Variants in EYS observed in about 807,000 individuals in gnomAD.
The protein encoded by EYS is EGF-like photoreceptor maintenance factor, also known as protein eyes shut homolog.
Under a neutral mutation model 282.1 loss-of-function variants are expected in EYS, and 250 were observed. That is an observed-to-expected ratio of 0.89 (90% CI 0.80 to 0.98). EYS has a LOEUF of 0.98. EYS is among the 50% of genes least tolerant of loss of function. EYS has a pLI of 0.00. For synonymous variants in EYS, 1,355 were observed against 1,282.9 expected (o/e 1.06, Z -1.20); for missense variants, 4,016 against 3,709.0 (o/e 1.08, Z -2.15).
chr6:65,313,172 T>C lies in EYS; in HGVS notation c.1767-17053A>G, dbSNP rs144163416. Among the ~76,000 whole-genome samples the C allele has an allele frequency of 3.3e-4, 50 of 152,216 alleles. 1 individual carries two copies. The highest frequency in any genetic ancestry group is 1.2e-3 in the African/African-American group (50 of 41,520). On this transcript the variant is annotated intron_variant, in intron 11 of 42. Transcript: ENST00000503581. ...CCCATAGGTAGGGCTGGTGAGATAT[T>C]ATGTTGGAGTCACCCGGGGCCTATT...
chr6:64,535,208 C>T (rs1477126073), intron 26 of EYS, among the ~76,000 whole-genome samples: 13 of 152,100 alleles, frequency 8.5e-5, no homozygotes, highest in Admixed American at 8.5e-4. Context: ...CGATATTGAA[C>T]AAAAATTCTT....
At chr6:65,532,988 T>A (rs1328747685) in intron 2 of EYS, among the ~76,000 whole-genome samples, 1 of 152,062 alleles carries the variant, frequency 6.6e-6, no homozygotes, top group African/African-American at 2.4e-5. Flanking sequence ...TTTGCAATTG[T>A]CGATTTTATA....
At chr6:63,954,354 A>G (rs568106157) in intron 35 of EYS, among the ~76,000 whole-genome samples, 62 of 152,248 alleles carry the variant, frequency 4.1e-4, no homozygotes, top group African/African-American at 1.5e-3. Flanking sequence ...CCTCTCAGCA[A>G]GCTGAACTCA....
At chr6:64,339,156 G>A (rs995735979) in intron 29 of EYS, among the ~76,000 whole-genome samples, 1 of 151,806 alleles carries the variant, frequency 6.6e-6, no homozygotes, top group Admixed American at 6.6e-5. Context: ...AAACTAAAGA[G>A]CTTTTGCAAG....
At chr6:65,676,899 A>G (rs747859775) in intron 1 of EYS, among the ~76,000 whole-genome samples, 1 of 151,818 alleles carries the variant, frequency 6.6e-6, no homozygotes, top group South Asian at 2.1e-4. Flanking sequence ...ACTGTTCAAC[A>G]TAGGAAAATC....
chr6:65,624,725 G>A (rs954289590), intron 2 of EYS, among the ~76,000 whole-genome samples: 1 of 152,154 alleles, frequency 6.6e-6, no homozygotes, highest in Non-Finnish European at 1.5e-5. Context: ...TGTGCTGGAT[G>A]GTTCCTGCTC....
Position 65,467,688 on chromosome 6 carries a change from A to C in EYS, c.862+22906T>G, listed in dbSNP as rs1765055730. The stretch of plus-strand genomic sequence containing the variant: ...TATCCTATTAATTTAAGCCAAATTA[A>C]ATTATATATTTAATAATGCTTAATA... On this transcript the variant is annotated intron_variant, in intron 5 of 42. Coordinates refer to ENST00000503581, the MANE Select transcript of EYS (RefSeq NM_001142800.2). Among the ~76,000 whole-genome samples the C allele has an allele frequency of 1.3e-5, 2 of 152,158 alleles. 1 individual carries two copies. The highest frequency in any genetic ancestry group is 4.1e-4 in the South Asian group (2 of 4,832).
chr6:64,199,124 C>A (rs972342854), intron 31 of EYS, among the ~76,000 whole-genome samples: 1 of 152,122 alleles, frequency 6.6e-6, no homozygotes, highest in African/African-American at 2.4e-5. Flanking sequence ...GCCCATATAG[C>A]CAAGACAACC....
At chr6:63,986,696 T>A (rs1263137848) in intron 34 of EYS, among the ~76,000 whole-genome samples, 2 of 151,662 alleles carry the variant, frequency 1.3e-5, no homozygotes, top group Admixed American at 6.6e-5. Context: ...AAATGCAGCA[T>A]GATTCTCACT....
At chr6:65,590,856 CT>C (rs1015375138) in intron 2 of EYS, among the ~76,000 whole-genome samples, 216 of 145,296 alleles carry the variant, frequency 1.5e-3, no homozygotes, top group East Asian at 1.6e-3. Context: ...AAATATACCA[CT>C]TTTTTTTTTT....
intron 22 of EYS, among the ~76,000 whole-genome samples, chr6:64,743,298 T>C (rs1047685567): frequency 1.2e-4 from 19 of 152,126 alleles, no homozygotes; most frequent in African/African-American, 4.6e-4. Flanking sequence ...ATGACATGTG[T>C]AGGTGACAAA....
At chr6:64,650,826 T>C (rs1028038931) in intron 22 of EYS, among the ~76,000 whole-genome samples, 7 of 152,018 alleles carry the variant, frequency 4.6e-5, no homozygotes, top group Non-Finnish European at 8.8e-5. Context: ...ATAATTCAGG[T>C]AAGCACATGT....
At chr6:64,167,443 C>T (rs114078209) in intron 31 of EYS, among the ~76,000 whole-genome samples, 1,684 of 152,250 alleles carry the variant, frequency 0.011, 29 homozygotes, top group African/African-American at 0.038. Flanking sequence ...AGTGCCATCA[C>T]TTGGCTTTTT....
intron 15 of EYS, among the ~76,000 whole-genome samples, chr6:64,940,315 A>G (rs1769047747): frequency 6.6e-6 from 1 of 152,046 alleles, no homozygotes. Flanking sequence ...GTGACTGCCA[A>G]CAGCATCAAC....
chr6:64,628,279 G>T (rs1202544885), intron 22 of EYS, among the ~76,000 whole-genome samples: 3 of 150,188 alleles, frequency 2.0e-5, no homozygotes, highest in Admixed American at 6.6e-5. Flanking sequence ...TTCATCACTA[G>T]TGGTTTACTC....
At chr6:65,655,761 G>A (rs1233576400) in intron 1 of EYS, among the ~76,000 whole-genome samples, 1 of 151,700 alleles carries the variant, frequency 6.6e-6, no homozygotes, top group Non-Finnish European at 1.5e-5. Context: ...AGAGATGAGA[G>A]TTGCTTTTTA....
chr6:64,651,083 A>C (rs1295457465), intron 22 of EYS, among the ~76,000 whole-genome samples: 1 of 152,074 alleles, frequency 6.6e-6, no homozygotes, highest in Non-Finnish European at 1.5e-5. Flanking sequence ...CAGATTCCCC[A>C]ATATGGTTAA....
At chr6:64,800,516 T>A (rs1051362678) in intron 22 of EYS, among the ~76,000 whole-genome samples, 1 of 150,820 alleles carries the variant, frequency 6.6e-6, no homozygotes, top group African/African-American at 2.4e-5. Flanking sequence ...CACACCTACA[T>A]AAGGAAAGTA....
chr6:64,981,649 A>C (rs1461452537), intron 14 of EYS, among the ~76,000 whole-genome samples: 1 of 151,392 alleles, frequency 6.6e-6, no homozygotes, highest in Non-Finnish European at 1.5e-5. Flanking sequence ...CATAATTTGC[A>C]TACGGGAGTC....
Sources: allele counts gnomAD v4.1 joint callset (sites outside exome capture counted in the v4.1 genomes callset), GRCh38; gene constraint gnomAD v4.1.1; transcripts MANE v1.5; gene names NCBI Gene and HGNC (gene_info 2026-07-23, HGNC 2026-07-21).